Variants in MAGI2 observed in about 807,000 individuals in gnomAD.
The protein encoded by MAGI2 is membrane associated guanylate kinase, WW and PDZ domain containing 2.
A neutral mutation model predicts 133.3 loss-of-function variants in MAGI2; 35 were observed. The observed-to-expected ratio is 0.26, with a 90% CI of 0.20 to 0.35. The LOEUF (loss-of-function observed/expected upper bound fraction) is 0.35, where lower values mean the gene tolerates loss of function less well. MAGI2 is among the 10% of genes least tolerant of loss of function. The pLI, the probability that MAGI2 is intolerant of heterozygous loss-of-function variation, is 1.00. For synonymous variants in MAGI2, 729 were observed against 710.6 expected, an observed-to-expected ratio of 1.03 and a Z score of -0.41; for missense variants, 1,636 against 1,863.4, an observed-to-expected ratio of 0.88 and a Z score of 2.25.
chr7:79,059,201 A>AT (rs775357407), intron 1 of MAGI2, among the ~76,000 whole-genome samples: 10 of 151,826 alleles, frequency 6.6e-5, no homozygotes, highest in South Asian at 6.2e-4. Context: ...ATATCCTGTG[A>AT]TTTTTTTTGT....
chr7:78,310,264 G>A (rs191632308), intron 9 of MAGI2, among the ~76,000 whole-genome samples: 26 of 152,002 alleles, frequency 1.7e-4, no homozygotes, highest in African/African-American at 6.0e-4. Flanking sequence ...GTGAAACCCC[G>A]TCTCTACTAA....
chr7:79,383,423 A>G (rs1843940286), intron 1 of MAGI2, among the ~76,000 whole-genome samples: 2 of 151,682 alleles, frequency 1.3e-5, no homozygotes, highest in Admixed American at 1.3e-4. Flanking sequence ...TGTAGTTAAT[A>G]CAGGTATAAA....
At chr7:78,263,696 C>G (rs1437435451) in intron 9 of MAGI2, among the ~76,000 whole-genome samples, 1 of 152,164 alleles carries the variant, frequency 6.6e-6, no homozygotes, top group African/African-American at 2.4e-5. Context: ...ATACTGCCTT[C>G]TACCTGCTTC....
chr7:78,951,547 A>T (rs1008283692), intron 2 of MAGI2, among the ~76,000 whole-genome samples: 2 of 152,118 alleles, frequency 1.3e-5, no homozygotes, highest in South Asian at 4.1e-4. Flanking sequence ...ACGAGATCCA[A>T]TCACTTTCCA....
At chr7:78,663,047 T>A (rs1563317312) in intron 2 of MAGI2, among the ~76,000 whole-genome samples, 1 of 152,074 alleles carries the variant, frequency 6.6e-6, no homozygotes, top group Admixed American at 6.6e-5. Context: ...ACTCTAACCA[T>A]TAAGCAACAC....
chr7:78,053,997 C>T lies in MAGI2; in HGVS notation c.3706+24950G>A, dbSNP rs3807764. On this transcript the variant is annotated intron_variant, in intron 21 of 21. Transcript: ENST00000354212. ...ACCTCAGAATCTGCTGGATCCAATA[C>T]CACTTTCTTTTATGGATTGAGTTTA... is the stretch of plus-strand genomic sequence containing the variant. Among the ~76,000 whole-genome samples, 56 of 152,214 alleles carry T rather than the reference C, an allele frequency of 3.7e-4. No individual in the cohort carries two copies. The East Asian group carries it at 0.011, about 29-fold the overall frequency.
chr7:78,376,437 T>C (rs1318133294), intron 6 of MAGI2, among the ~76,000 whole-genome samples: 2 of 152,120 alleles, frequency 1.3e-5, no homozygotes. Context: ...CTAGCTGAGC[T>C]GTATTCTACA....
chr7:78,619,287 C>T (rs1384011503), intron 3 of MAGI2, among the ~76,000 whole-genome samples: 2 of 151,716 alleles, frequency 1.3e-5, no homozygotes, highest in Admixed American at 1.3e-4. Context: ...AAACTGTGAA[C>T]ATCACAGTTT....
In MAGI2 at chr7:79,111,724, T is replaced by C. The variant is rs540059820; in HGVS notation, c.302-104518A>G. On this transcript the variant is annotated intron_variant, in intron 1 of 21. Transcript: ENST00000354212. The stretch of plus-strand genomic sequence containing the variant: ...CTCTGTCGCCCAGGCTGGAGTGTAG[T>C]GGCACGATCTCGGCTCACTGCAAGC... 3.4e-4 allele frequency among the ~76,000 whole-genome samples: 52 copies of C among 152,276 alleles called. No homozygotes were observed. The East Asian group carries it at 6.8e-3, about 20-fold the overall frequency.
chr7:79,453,377 G>T lies in MAGI2; in HGVS notation c.-57C>A. ...CTCCTTGGGGTTAGGGGGGCTGGTG[G>T]TGAGAGAATGAGGATGGAGGAGCAA... On this transcript the variant is annotated 5_prime_UTR_variant, in exon 1 of 22. Transcript: ENST00000354212. The T allele has an allele frequency of 1.3e-6, 2 of 1,537,430 alleles. No individual in the cohort carries two copies. The highest frequency in any genetic ancestry group is 8.7e-7 in the Non-Finnish European group (1 of 1,145,512).
chr7:78,573,798 G>C (rs1563190297), intron 3 of MAGI2, among the ~76,000 whole-genome samples: 1 of 151,990 alleles, frequency 6.6e-6, no homozygotes, highest in East Asian at 1.9e-4. Context: ...GTTTTTATTG[G>C]AGGGTTCCCA....
chr7:78,158,545 G>A (rs1824628731), intron 16 of MAGI2, among the ~76,000 whole-genome samples: 1 of 152,078 alleles, frequency 6.6e-6, no homozygotes, highest in Non-Finnish European at 1.5e-5. Flanking sequence ...AACTGCCTTT[G>A]CCAAATTGTA....
chr7:78,056,690 TC>T (rs1442601874), intron 21 of MAGI2, among the ~76,000 whole-genome samples: 4 of 152,056 alleles, frequency 2.6e-5, no homozygotes, highest in African/African-American at 9.7e-5. Flanking sequence ...AAGGAGAGCA[TC>T]AGGAAGAACA....
In MAGI2 at chr7:79,438,505, G is replaced by T. The variant is rs553459368; in HGVS notation, c.301+14515C>A. ...GAAATAGCATGCTACTACTTCTGCA[G>T]TTCTCAAAGATAGCAATTTTCTTTT... On this transcript the variant is annotated intron_variant, in intron 1 of 21. Transcript: ENST00000354212. 3.4e-4 allele frequency among the ~76,000 whole-genome samples: 51 copies of T among 152,192 alleles called. No homozygotes were observed. The South Asian group carries it at 5.0e-3, about 15-fold the overall frequency.
intron 2 of MAGI2, among the ~76,000 whole-genome samples, chr7:78,663,202 C>CTTTTTT (rs35544274): frequency 9.2e-6 from 1 of 109,244 alleles, no homozygotes. Flanking sequence ...TGTACCAACT[C>CTTTTTT]TTTTTTTTTT....
chr7:79,398,087 A>G (rs1462426703), intron 1 of MAGI2, among the ~76,000 whole-genome samples: 1 of 152,130 alleles, frequency 6.6e-6, no homozygotes, highest in East Asian at 1.9e-4. Context: ...CATCTATTTT[A>G]GCATAAGAAC....
At chr7:79,112,263 C>T (rs73369347) in intron 1 of MAGI2, among the ~76,000 whole-genome samples, 3,198 of 152,170 alleles carry the variant, frequency 0.021, 125 homozygotes, top group African/African-American at 0.073. Context: ...GATTCCATTG[C>T]TCTGGTTTCA....
At chr7:79,328,750 C>T (rs6966599) in intron 1 of MAGI2, among the ~76,000 whole-genome samples, 127,970 of 152,132 alleles carry the variant, frequency 0.84, 53,920 homozygotes, top group Middle Eastern at 0.86. Context: ...TTAACATTTT[C>T]CTTTTTGAAT....
intron 1 of MAGI2, 21 bp downstream of exon 1, chr7:79,452,999 T>C (rs779352850): frequency 6.5e-7 from 1 of 1,532,488 alleles, no homozygotes; most frequent in Admixed American, 1.9e-5. Flanking sequence ...GGCAAAACAC[T>C]GAGCAAGCCG....
Sources: allele counts gnomAD v4.1 joint callset (sites outside exome capture counted in the v4.1 genomes callset), GRCh38; gene constraint gnomAD v4.1.1; transcripts MANE v1.5; gene names NCBI Gene and HGNC (gene_info 2026-07-23, HGNC 2026-07-21).